The following TMEM129 variants were observed in gnomAD, a reference collection of about 807,000 sequenced individuals.
TMEM129 encodes the protein E3 ubiquitin-protein ligase TM129.
A neutral mutation model predicts 34.1 loss-of-function variants in TMEM129; 35 were observed. The observed-to-expected ratio is 1.03, with a 90% confidence interval of 0.78 to 1.36. The LOEUF (loss-of-function observed/expected upper bound fraction) is 1.36, where lower values mean the gene tolerates loss of function less well. TMEM129 is among the 40% of genes most tolerant of loss of function. The pLI is 0.00. For synonymous variants in TMEM129, 239 were observed against 217.3 expected (o/e 1.10, Z -0.88); for missense variants, 504 against 512.6 (o/e 0.98, Z 0.16).
chr4:1,721,144 G>T lies in TMEM129; in HGVS notation c.-307C>A. On this transcript the variant is annotated 5_prime_UTR_variant, in exon 1 of 4. Transcript: ENST00000382936. ...GGGCGCTCTGGGAGATGCAGTCCCC[G>T]TGCGGGTGCGGCCTCTCTTCTCGGC... The T allele has an allele frequency of 4.4e-6, 1 of 225,452 alleles. No individual in the cohort carries two copies. Among genetic ancestry groups the T allele is most frequent in the Non-Finnish European group, 8.4e-6 (1 of 119,124 alleles). 14.0% of individuals were successfully genotyped at this position (225,452 alleles called of 1,614,324 possible).
At chr4:1,719,355 C>T (rs1717153770) in intron 1 of TMEM129, 3 of 392,906 alleles carry the variant, frequency 7.6e-6, no homozygotes, top group Middle Eastern at 7.7e-4. Flanking sequence ...TCGAGACCAT[C>T]CTGGCTAACA....
At position 1,717,248 on chromosome 4, in the gene TMEM129, C is replaced by A; in HGVS notation, c.1021G>T (p.Ala341Ser). 6.6e-7 allele frequency: 1 copy of A among 1,516,860 alleles called. No homozygotes were observed. The highest frequency in any genetic ancestry group is 8.9e-7 in the Non-Finnish European group (1 of 1,126,848). 94.0% of individuals were successfully genotyped at this position (1,516,860 alleles called of 1,614,324 possible). A position where few individuals can be genotyped will look rare whatever the true frequency, so the allele number is the denominator to read the frequency against. The change falls in exon 4 of 4, where the codon GCC becomes TCC. Residue 341 changes from alanine (A) to serine (S), a missense_variant. Transcript: ENST00000382936. ...CAGGTGGGGCAGGGCACGCGGCTGG[C>A]CAGCCAGGTGTCAGGGCGCAGGGGG... The part of the protein sequence containing the change: ...QDPLRPDTWL[A>S]SRVPCPTCRA...
In TMEM129 at chr4:1,717,045, C is replaced by G; in HGVS notation, c.*135G>C. ...CCAAAAGTCCTCAGCCTTCTGCAGACCCAGGGCAGAGGCGAGTTGCTCTAC... is the reference window on the plus strand; with the variant it reads ...CCAAAAGTCCTCAGCCTTCTGCAGAGCCAGGGCAGAGGCGAGTTGCTCTAC... On this transcript the variant is annotated 3_prime_UTR_variant, in exon 4 of 4. Coordinates refer to ENST00000382936, the MANE Select transcript of TMEM129 (RefSeq NM_001127266.2). 2 of 1,152,220 alleles carry G rather than the reference C, an allele frequency of 1.7e-6. No individual in the cohort carries two copies. Among genetic ancestry groups the G allele is most frequent in the Non-Finnish European group, 2.2e-6 (2 of 895,850 alleles). 71.4% of individuals were successfully genotyped at this position (1,152,220 alleles called of 1,614,324 possible). A position where few individuals can be genotyped will look rare whatever the true frequency, so the allele number is the denominator to read the frequency against.
At position 1,717,580 on chromosome 4, in the gene TMEM129, A is replaced by C. The variant is rs1717034309; in HGVS notation, c.776T>G (p.Leu259Arg). 3.2e-6 allele frequency: 5 copies of C among 1,549,630 alleles called. No individual in the cohort carries two copies. Among genetic ancestry groups the C allele is most frequent in the Non-Finnish European group, 4.4e-6 (5 of 1,146,306 alleles). The part of the protein sequence containing the change: ...HVVIHQSLGD[L>R]FLETFASLVE... The stretch of plus-strand genomic sequence containing the variant: ...CAGGGAGGCAAATGTCTCCAGGAAC[A>C]GGTCGCCCAGGCTCTGGTGGATGAC... Residue 259 changes from leucine (L) to arginine (R), a missense_variant, in exon 3 of 4, where the codon CTG becomes CGG. Transcript: ENST00000382936.
rs1391507058 is a variant in TMEM129 at position 1,718,400 on chromosome 4, A to G, written c.432T>C (p.Ser144=). ...PQSGWQAVAS[S]VNTEFRRIDK... is the part of the protein sequence containing the mutation. ...CAATCCGCCGGAACTCAGTGTTGAC[A>G]GAGGAGGCAACAGCCTGCCAGCCAG... Residue 144 remains serine, a synonymous_variant, in exon 2 of 4, where the codon TCT becomes TCC. Coordinates refer to ENST00000382936, the MANE Select transcript of TMEM129 (RefSeq NM_001127266.2). The G allele has an allele frequency of 6.2e-7, 1 of 1,607,264 alleles. No homozygotes were observed. The highest frequency in any genetic ancestry group is 1.1e-5 in the South Asian group (1 of 89,936).
intron 2 of TMEM129, 101 bp from the exon 3 acceptor site, chr4:1,717,776 A>G: frequency 7.1e-7 from 1 of 1,418,438 alleles, no homozygotes; most frequent in Non-Finnish European, 9.3e-7. Context: ...CACCAGGACC[A>G]ACCAGGAGAG....
Position 1,718,293 on chromosome 4 carries a change from T to A in TMEM129, c.539A>T (p.His180Leu). Residue 180 changes from histidine (H) to leucine (L), a missense_variant, in exon 2 of 4, where the codon CAC becomes CTC. Coordinates refer to ENST00000382936, the MANE Select transcript of TMEM129 (RefSeq NM_001127266.2). ...WVMKVTTYRVHVAQQQDVHLT... is the reference protein window; with the variant it reads ...WVMKVTTYRVLVAQQQDVHLT... ...GTGCACGTCCTGCTGCTGGGCCACG[T>A]GCACTCGGTAGGTGGTTACCTTCAT... The A allele has an allele frequency of 6.2e-7, 1 of 1,613,176 alleles. No individual in the cohort carries two copies. The highest frequency in any genetic ancestry group is 2.2e-5 in the East Asian group (1 of 44,874).
At chr4:1,719,738 G>C (rs949573091) in intron 1 of TMEM129, among the ~76,000 whole-genome samples, 2 of 152,184 alleles carry the variant, frequency 1.3e-5, no homozygotes, top group Non-Finnish European at 2.9e-5. Flanking sequence ...GCCCTAGAAA[G>C]TGGCCTGGTC....
In TMEM129 at chr4:1,721,132, G is replaced by A. The variant is rs10030268; in HGVS notation, c.-295C>T. The A allele has an allele frequency of 9.2e-3, 2,197 of 239,656 alleles. 54 individuals carry two copies. The highest frequency in any genetic ancestry group is 0.045 in the African/African-American group (1,992 of 44,160). 14.8% of individuals were successfully genotyped at this position (239,656 alleles called of 1,614,324 possible). A position where few individuals can be genotyped will look rare whatever the true frequency, so the allele number is the denominator to read the frequency against. On this transcript the variant is annotated 5_prime_UTR_variant, in exon 1 of 4. Coordinates refer to ENST00000382936, the MANE Select transcript of TMEM129 (RefSeq NM_001127266.2). Reference sequence around the variant, plus strand: ...CGGCCGCTCGCGGGGCGCTCTGGGAGATGCAGTCCCCGTGCGGGTGCGGCC... The same window carrying A: ...CGGCCGCTCGCGGGGCGCTCTGGGAAATGCAGTCCCCGTGCGGGTGCGGCC...
At position 1,716,993 on chromosome 4, in the gene TMEM129, G is replaced by T. The variant is rs1716991432; in HGVS notation, c.*187C>A. On this transcript the variant is annotated 3_prime_UTR_variant, in exon 4 of 4. Coordinates refer to ENST00000382936, the MANE Select transcript of TMEM129 (RefSeq NM_001127266.2). ...TGTACCCTGGCTGCCAAGCAGGGTG[G>T]GGTGTTTTCATGAGGATTGCTTTTA... 2 of 652,732 alleles carry T rather than the reference G, an allele frequency of 3.1e-6. No homozygotes were observed. Among genetic ancestry groups the T allele is most frequent in the Non-Finnish European group, 4.5e-6 (2 of 449,138 alleles). 40.4% of individuals were successfully genotyped at this position (652,732 alleles called of 1,614,324 possible).
At position 1,720,730 on chromosome 4, in the gene TMEM129, C is replaced by A. The variant is rs986530686; in HGVS notation, c.108G>T (p.Leu36=). 3 of 1,568,690 alleles carry A rather than the reference C, an allele frequency of 1.9e-6. No homozygotes were observed. Among genetic ancestry groups the A allele is most frequent in the Non-Finnish European group, 2.6e-6 (3 of 1,158,634 alleles). The stretch of plus-strand genomic sequence containing the variant: ...CCTCGCTGCCCAGCCAGCCCGACAG[C>A]AGGTTCTGCACCGTGAGCCCCGCCG... ...FHAAGLTVQN[L]LSGWLGSEDA... is the part of the protein sequence containing the mutation. The change falls in exon 1 of 4, where the codon CTG becomes CTT. Residue 36 remains leucine (L), a synonymous_variant. Transcript: ENST00000382936. The surrounding 1 kb of genome is among the most constrained non-coding windows in gnomAD (Gnocchi z 4.4).
rs1716993906 is a variant in TMEM129, at chr4:1,717,048, A to C, written c.*132T>G. 2 of 1,162,192 alleles carry C rather than the reference A, an allele frequency of 1.7e-6. No individual in the cohort carries two copies. Among genetic ancestry groups the C allele is most frequent in the South Asian group, 5.8e-5 (2 of 34,544 alleles). The allele number at this position is 1,162,192 out of a possible 1,614,324, so 72.0% of individuals were successfully genotyped here. On this transcript the variant is annotated 3_prime_UTR_variant, in exon 4 of 4. Transcript: ENST00000382936. Reference sequence around the variant, plus strand: ...AAAGTCCTCAGCCTTCTGCAGACCCAGGGCAGAGGCGAGTTGCTCTACATC... The same window carrying C: ...AAAGTCCTCAGCCTTCTGCAGACCCCGGGCAGAGGCGAGTTGCTCTACATC...
Position 1,720,720 on chromosome 4 carries a change from A to C in TMEM129, c.118T>G (p.Trp40Gly), listed in dbSNP as rs766011505. 2 of 1,562,388 alleles carry C rather than the reference A, an allele frequency of 1.3e-6. No individual in the cohort carries two copies. The highest frequency in any genetic ancestry group is 1.7e-6 in the Non-Finnish European group (2 of 1,155,016). ...GLTVQNLLSG[W>G]LGSEDAAFVP... ...AAGGCGGCGTCCTCGCTGCCCAGCC[A>C]GCCCGACAGCAGGTTCTGCACCGTG... is the stretch of plus-strand genomic sequence containing the variant. Residue 40 changes from tryptophan (W) to glycine (G), a missense_variant, in exon 1 of 4, where the codon TGG (tryptophan) becomes GGG (glycine). Trp to Gly is a radical substitution (Grantham distance 184). Transcript: ENST00000382936. This position sits in a 1 kb window ranked among gnomAD's most constrained non-coding sequence, Gnocchi z 4.4.
chr4:1,720,798 C>A lies in TMEM129; in HGVS notation c.40G>T (p.Val14Leu), dbSNP rs776709848. The A allele has an allele frequency of 6.3e-7, 1 of 1,595,674 alleles. No individual in the cohort carries two copies. The highest frequency in any genetic ancestry group is 1.1e-5 in the South Asian group (1 of 88,320). ...GTGAACACGAAGCACACGGCGAACACCAGATAGGCGAGAGTGAAGGTCACC... is the reference window on the plus strand; with the variant it reads ...GTGAACACGAAGCACACGGCGAACAACAGATAGGCGAGAGTGAAGGTCACC... Reference protein sequence around the residue: ...PEVTFTLAYLVFAVCFVFTPN... With the variant: ...PEVTFTLAYLLFAVCFVFTPN... Residue 14 changes from valine to leucine, a missense_variant, in exon 1 of 4, where the codon GTG (valine) becomes TTG (leucine). Coordinates refer to ENST00000382936, the MANE Select transcript of TMEM129 (RefSeq NM_001127266.2). This position sits in a 1 kb window ranked among gnomAD's most constrained non-coding sequence, Gnocchi z 4.4.
At chr4:1,717,839 C>T in intron 2 of TMEM129, 164 bp from the exon 3 acceptor site, 1 of 1,036,454 alleles carries the variant, frequency 9.6e-7, no homozygotes, top group Middle Eastern at 2.9e-4. Flanking sequence ...CCAGCCTGGG[C>T]ACGGGACGGA....
chr4:1,717,203 G>A lies in TMEM129; in HGVS notation c.1066C>T (p.Leu356=). 1 of 1,474,734 alleles carries A rather than the reference G, an allele frequency of 6.8e-7. No homozygotes were observed. Among genetic ancestry groups the A allele is most frequent in the Non-Finnish European group, 9.0e-7 (1 of 1,106,158 alleles). The allele number at this position is 1,474,734 out of a possible 1,614,324, so 91.4% of individuals were successfully genotyped here. Residue 356 remains leucine (L), a synonymous_variant, in exon 4 of 4, where the codon CTG becomes TTG. Coordinates refer to ENST00000382936, the MANE Select transcript of TMEM129 (RefSeq NM_001127266.2). The part of the protein sequence containing the change: ...CPTCRARFCI[L]DVCTVR ...ACTCAGCGCACGGTGCACACATCCA[G>A]GATGCAGAAGCGTGCGCGGCAGGTG... is the stretch of plus-strand genomic sequence containing the variant.
chr4:1,720,628 C>G lies in TMEM129; in HGVS notation c.205+5G>C, dbSNP rs1717263477. 5 of 1,537,748 alleles carry G rather than the reference C, an allele frequency of 3.3e-6. No individual in the cohort carries two copies. In the South Asian group the frequency reaches 3.6e-5, roughly 11 times the overall value. On this transcript the variant is annotated splice_donor_5th_base_variant and intron_variant, in intron 1 of 3. Coordinates refer to ENST00000382936, the MANE Select transcript of TMEM129 (RefSeq NM_001127266.2). The surrounding 1 kb of genome is among the most constrained non-coding windows in gnomAD (Gnocchi z 4.4). ...GATGCGGCCGGCCGGCCCGAGCAGC[C>G]TCACCGAGCGGCAGCAGCGAGTGGC...
Position 1,720,511 on chromosome 4 carries a change from G to A in TMEM129, c.205+122C>T. On this transcript the variant is annotated intron_variant, in intron 1 of 3. Coordinates refer to ENST00000382936, the MANE Select transcript of TMEM129 (RefSeq NM_001127266.2). This position sits in a 1 kb window ranked among gnomAD's most constrained non-coding sequence, Gnocchi z 4.4. ...GCGGTCCCTCTGGATGAGGACCGGCGCCTCTCCCCAGCTGCGCCCAGGCGC... is the reference window on the plus strand; with the variant it reads ...GCGGTCCCTCTGGATGAGGACCGGCACCTCTCCCCAGCTGCGCCCAGGCGC... 7.9e-7 allele frequency: 1 copy of A among 1,260,794 alleles called. No individual in the cohort carries two copies. The highest frequency in any genetic ancestry group is 1.1e-6 in the Non-Finnish European group (1 of 942,180). The allele number at this position is 1,260,794 out of a possible 1,614,324, so 78.1% of individuals were successfully genotyped here. A position where few individuals can be genotyped will look rare whatever the true frequency, so the allele number is the denominator to read the frequency against.
In TMEM129 at chr4:1,720,990, G is replaced by A; in HGVS notation, c.-153C>T. ...ATGGAGTCCCGCCGCCCGGCCGCCC[G>A]CGGGGCACTCTAGGACATGGAGTCC... On this transcript the variant is annotated 5_prime_UTR_variant, in exon 1 of 4. Transcript: ENST00000382936. This position sits in a 1 kb window ranked among gnomAD's most constrained non-coding sequence, Gnocchi z 4.4. 1 of 359,534 alleles carries A rather than the reference G, an allele frequency of 2.8e-6. No individual in the cohort carries two copies. The highest frequency in any genetic ancestry group is 5.0e-6 in the Non-Finnish European group (1 of 200,454). The allele number at this position is 359,534 out of a possible 1,614,324, so 22.3% of individuals were successfully genotyped here. A position where few individuals can be genotyped will look rare whatever the true frequency, so the allele number is the denominator to read the frequency against.
Sources: allele counts gnomAD v4.1 joint callset (sites outside exome capture counted in the v4.1 genomes callset), GRCh38; gene constraint gnomAD v4.1.1; non-coding constraint Gnocchi (gnomAD v3.1); transcripts MANE v1.5; gene names NCBI Gene and HGNC (gene_info 2026-07-23, HGNC 2026-07-21).